TACR1: variants seen among roughly 807,000 people sequenced by gnomAD.
The protein encoded by TACR1 is tachykinin receptor 1.
TACR1 carries 25 observed loss-of-function variants against 35.8 expected under a neutral mutation model. The observed-to-expected ratio is 0.70, with a 90% CI of 0.51 to 0.98. The LOEUF is 0.98. TACR1 is among the 50% of genes least tolerant of loss of function. TACR1 has a pLI of 0.00. For missense variants in TACR1, 478 were observed against 522.9 expected, an observed-to-expected ratio of 0.91 and a Z score of 0.84; for synonymous variants, 195 against 206.7, an observed-to-expected ratio of 0.94 and a Z score of 0.48.
At position 75,099,699 on chromosome 2, in the gene TACR1, A is replaced by C. The variant is rs560854483; in HGVS notation, c.584+20875T>G. On this transcript the variant is annotated intron_variant, in intron 2 of 4. Transcript: ENST00000305249. ...CCCTTTCCTTGCATTCTCAGACACCACACCTCTAGTTTCTCTCCTACCCTG... is the reference window on the plus strand; with the variant it reads ...CCCTTTCCTTGCATTCTCAGACACCCCACCTCTAGTTTCTCTCCTACCCTG... Among the ~76,000 whole-genome samples, 75 of 152,094 alleles carry C rather than the reference A, an allele frequency of 4.9e-4. No individual in the cohort carries two copies. In the South Asian group the frequency reaches 0.015, roughly 31 times the overall value.
At chr2:75,102,245 T>C (rs925622628) in intron 2 of TACR1, among the ~76,000 whole-genome samples, 4 of 152,162 alleles carry the variant, frequency 2.6e-5, no homozygotes, top group Admixed American at 6.5e-5. Context: ...GACCCATAGG[T>C]GACTGCAGAC....
At chr2:75,052,474 T>C (rs1672487913) in intron 3 of TACR1, among the ~76,000 whole-genome samples, 2 of 152,224 alleles carry the variant, frequency 1.3e-5, no homozygotes, top group South Asian at 4.2e-4. Flanking sequence ...TCCCAAGGCA[T>C]CTTTAGCAAA....
intron 1 of TACR1, among the ~76,000 whole-genome samples, chr2:75,136,857 GC>G (rs1253253354): frequency 1.3e-5 from 2 of 152,214 alleles, no homozygotes; most frequent in Non-Finnish European, 2.9e-5. Context: ...CACATTCAGA[GC>G]TCCAGGAAGA....
intron 1 of TACR1, among the ~76,000 whole-genome samples, chr2:75,148,128 A>G (rs986329906): frequency 1.3e-5 from 2 of 152,200 alleles, no homozygotes; most frequent in Non-Finnish European, 2.9e-5. Flanking sequence ...ATTGATGGGC[A>G]TTTGGGTTGG....
intron 2 of TACR1, among the ~76,000 whole-genome samples, chr2:75,108,274 A>G (rs535469746): frequency 2.0e-5 from 3 of 152,160 alleles, no homozygotes; most frequent in Non-Finnish European, 4.4e-5. Flanking sequence ...CCTATGTAAT[A>G]TAACTAGTCA....
chr2:75,105,279 C>T (rs1197352795), intron 2 of TACR1, among the ~76,000 whole-genome samples: 1 of 151,950 alleles, frequency 6.6e-6, no homozygotes, highest in Non-Finnish European at 1.5e-5. Flanking sequence ...ATAAGCTAGG[C>T]AGAGAAAGAC....
At chr2:75,093,796 G>T (rs34946945) in intron 2 of TACR1, among the ~76,000 whole-genome samples, 58 of 152,202 alleles carry the variant, frequency 3.8e-4, no homozygotes, top group Non-Finnish European at 7.2e-4. Flanking sequence ...AAACGGAAAA[G>T]TTTCATGGCT....
At chr2:75,196,674 AAGTTCCAG>A (rs1421739348) in intron 1 of TACR1, among the ~76,000 whole-genome samples, 1 of 152,070 alleles carries the variant, frequency 6.6e-6, no homozygotes, top group East Asian at 1.9e-4. Context: ...CTAACCTTCT[AAGTTCCAG>A]AGGAAAGATC....
chr2:75,068,805 G>A (rs1672819620), intron 2 of TACR1, among the ~76,000 whole-genome samples: 1 of 152,154 alleles, frequency 6.6e-6, no homozygotes, highest in South Asian at 2.1e-4. Context: ...GACAGTTTAA[G>A]TAACTGGCCC....
At chr2:75,144,989 T>C (rs1674475758) in intron 1 of TACR1, among the ~76,000 whole-genome samples, 1 of 152,136 alleles carries the variant, frequency 6.6e-6, no homozygotes, top group African/African-American at 2.4e-5. Flanking sequence ...GTAGGAATTT[T>C]AGAAAGAAAT....
chr2:75,057,030 A>G (rs1282975125), intron 2 of TACR1, among the ~76,000 whole-genome samples: 1 of 152,246 alleles, frequency 6.6e-6, no homozygotes, highest in Non-Finnish European at 1.5e-5. Flanking sequence ...CCAATAGATG[A>G]ATGGACAAAC....
intron 2 of TACR1, among the ~76,000 whole-genome samples, chr2:75,067,570 C>G (rs758444819): frequency 6.6e-6 from 1 of 152,118 alleles, no homozygotes; most frequent in Non-Finnish European, 1.5e-5. Flanking sequence ...AATATAAAAT[C>G]ATAAATGTTG....
chr2:75,128,919 T>A (rs1431254559), intron 1 of TACR1, among the ~76,000 whole-genome samples: 1 of 152,164 alleles, frequency 6.6e-6, no homozygotes, highest in Non-Finnish European at 1.5e-5. Context: ...GGCAAAAGGC[T>A]GATGCTACTG....
At chr2:75,058,829 C>A (rs1573459333) in intron 2 of TACR1, among the ~76,000 whole-genome samples, 1 of 152,206 alleles carries the variant, frequency 6.6e-6, no homozygotes, top group Non-Finnish European at 1.5e-5. Context: ...TCTAGGTTTC[C>A]TTATATCTCA....
chr2:75,103,195 A>G (rs1220333182), intron 2 of TACR1, among the ~76,000 whole-genome samples: 10 of 152,188 alleles, frequency 6.6e-5, no homozygotes, highest in African/African-American at 2.2e-4. Flanking sequence ...GGTTTCTAAT[A>G]TCATTCCCTA....
Position 75,059,541 on chromosome 2 carries a change from C to A in TACR1, c.585-5786G>T, listed in dbSNP as rs145897193. ...AGATCTAGAAGCTCTCCAGGTGATA[C>A]TCCTGTGCAGCTGGGGCTGAGAATT... is the stretch of plus-strand genomic sequence containing the variant. On this transcript the variant is annotated intron_variant, in intron 2 of 4. Coordinates refer to ENST00000305249, the MANE Select transcript of TACR1 (RefSeq NM_001058.4). Among the ~76,000 whole-genome samples the A allele has an allele frequency of 2.0e-3, 305 of 152,332 alleles. 1 individual carries two copies. Among genetic ancestry groups the A allele is most frequent in the South Asian group, 9.3e-3 (45 of 4,830 alleles).
At chr2:75,086,709 G>A (rs1027566808) in intron 2 of TACR1, among the ~76,000 whole-genome samples, 1 of 152,192 alleles carries the variant, frequency 6.6e-6, no homozygotes, top group Admixed American at 6.5e-5. Flanking sequence ...TAATAAAAGG[G>A]ACTAAATTAT....
chr2:75,118,578 A>G (rs1673907680), intron 2 of TACR1, among the ~76,000 whole-genome samples: 2 of 152,362 alleles, frequency 1.3e-5, no homozygotes, highest in Middle Eastern at 3.4e-3. Flanking sequence ...TTCAAAATTA[A>G]GACTCCCCCA....
At chr2:75,165,253 C>A (rs1359611168) in intron 1 of TACR1, among the ~76,000 whole-genome samples, 6 of 152,204 alleles carry the variant, frequency 3.9e-5, no homozygotes, top group Non-Finnish European at 8.8e-5. Context: ...ATTAAGGATA[C>A]TCAAGGGACG....
Sources: gnomAD v4.1 joint callset for allele counts (sites outside exome capture counted in the v4.1 genomes callset) on GRCh38, gnomAD v4.1.1 for gene constraint, MANE v1.5 for transcripts, NCBI Gene and HGNC (gene_info 2026-07-23, HGNC 2026-07-21) for gene names.